Variants in KAT6B observed in about 807,000 individuals in gnomAD.
KAT6B encodes lysine acetyltransferase 6B, also known as histone acetyltransferase KAT6B.
In KAT6B, 10 loss-of-function variants were observed where a neutral mutation model predicts 187.5. That is an observed-to-expected ratio of 0.05 (90% confidence interval 0.03 to 0.09). The LOEUF is 0.09. Ranked by LOEUF, KAT6B falls within the 10% of genes least tolerant of loss-of-function variation. The pLI is 1.00. For synonymous variants in KAT6B, 861 were observed against 926.8 expected (o/e 0.93, Z 1.29); for missense variants, 1,952 against 2,558.9 (o/e 0.76, Z 5.12).
intron 3 of KAT6B, among the ~76,000 whole-genome samples, chr10:74,952,207 T>A (rs1307727295): frequency 1.3e-5 from 2 of 151,982 alleles, no homozygotes; most frequent in African/African-American, 4.8e-5. Context: ...GTTAAAAAAT[T>A]AGCTGGGCGT....
chr10:74,957,172 C>T (rs536880974), intron 3 of KAT6B, among the ~76,000 whole-genome samples: 8 of 152,192 alleles, frequency 5.3e-5, no homozygotes, highest in African/African-American at 1.2e-4. Context: ...CATTTACATG[C>T]GTTACTGTAA....
rs200498444 is a variant in KAT6B at position 75,030,704 on chromosome 10, G to C, written c.5880G>C (p.Thr1960=). Residue 1960 remains threonine (T), a synonymous_variant, in exon 18 of 18, where the codon ACG becomes ACC. Coordinates refer to ENST00000287239, the MANE Select transcript of KAT6B (RefSeq NM_012330.4). The surrounding 1 kb of genome is among the most constrained non-coding windows in gnomAD (Gnocchi z 4.8). The part of the protein sequence containing the change: ...VAMQGPARTL[T]MQRGMNMSVN... ...TGCAGGGTCCTGCACGGACTTTAAC[G>C]ATGCAAAGAGGCATGAACATGAGTG... is the stretch of plus-strand genomic sequence containing the variant. 3 of 1,614,210 alleles carry C rather than the reference G, an allele frequency of 1.9e-6. No homozygotes were observed. Among genetic ancestry groups the C allele is most frequent in the Non-Finnish European group, 2.5e-6 (3 of 1,180,050 alleles).
intron 3 of KAT6B, among the ~76,000 whole-genome samples, chr10:74,959,178 A>G (rs1239286649): frequency 1.3e-5 from 2 of 152,146 alleles, no homozygotes; most frequent in African/African-American, 4.8e-5. Context: ...GACCTTTTCA[A>G]GTGTCCCACA....
At chr10:74,911,391 T>C (rs1170890287) in intron 3 of KAT6B, among the ~76,000 whole-genome samples, 1 of 151,866 alleles carries the variant, frequency 6.6e-6, no homozygotes, top group Non-Finnish European at 1.5e-5. Context: ...CTCAGCTTCC[T>C]GAGTAGCTGG....
Position 75,028,682 on chromosome 10 carries a change from G to A in KAT6B, c.3858G>A (p.Gln1286=). The A allele has an allele frequency of 6.2e-7, 1 of 1,614,070 alleles. No individual in the cohort carries two copies. Among genetic ancestry groups the A allele is most frequent in the Non-Finnish European group, 8.5e-7 (1 of 1,180,038 alleles). ...PPETPMEPDE[Q]VTVEEQKETS... ...AAACACCCATGGAGCCTGACGAGCA[G>A]GTAACAGTGGAAGAACAGAAGGAGA... The change falls in exon 18 of 18, where the codon CAG becomes CAA. Residue 1286 remains glutamine (Q), a synonymous_variant. Coordinates refer to ENST00000287239, the MANE Select transcript of KAT6B (RefSeq NM_012330.4).
At chr10:74,956,070 T>A (rs1840672421) in intron 3 of KAT6B, among the ~76,000 whole-genome samples, 1 of 152,158 alleles carries the variant, frequency 6.6e-6, no homozygotes. Context: ...ACCACAGGCA[T>A]GCGCCACCAT....
intron 3 of KAT6B, among the ~76,000 whole-genome samples, chr10:74,955,630 T>C (rs1253151968): frequency 6.6e-6 from 1 of 152,012 alleles, no homozygotes; most frequent in Non-Finnish European, 1.5e-5. Context: ...CATAACACTT[T>C]ACTCCTAAAT....
intron 13 of KAT6B, among the ~76,000 whole-genome samples, chr10:75,008,916 G>A (rs1844402343): frequency 1.3e-5 from 2 of 152,168 alleles, no homozygotes; most frequent in South Asian, 2.1e-4. Context: ...TTAAATAGCT[G>A]TGGAAGGGTT....
intron 3 of KAT6B, among the ~76,000 whole-genome samples, chr10:74,870,665 G>A (rs1483557349): frequency 8.6e-5 from 13 of 151,718 alleles, no homozygotes; most frequent in South Asian, 2.1e-4. Flanking sequence ...TGCAGCCTCC[G>A]CCTCCTGGGT....
intron 3 of KAT6B, among the ~76,000 whole-genome samples, chr10:74,958,950 A>G (rs950711998): frequency 7.9e-5 from 12 of 152,036 alleles, no homozygotes; most frequent in African/African-American, 2.9e-4. Flanking sequence ...AGGCAAGAGA[A>G]TCACTTGAAC....
intron 13 of KAT6B, among the ~76,000 whole-genome samples, chr10:75,010,435 A>G (rs1844514534): frequency 6.6e-6 from 1 of 152,168 alleles, no homozygotes; most frequent in Admixed American, 6.5e-5. Context: ...TTCTAAGGAG[A>G]TTTGTATTCT....
chr10:75,002,766 T>TCA (rs1420658117), intron 13 of KAT6B, among the ~76,000 whole-genome samples: 2 of 152,256 alleles, frequency 1.3e-5, no homozygotes, highest in Non-Finnish European at 2.9e-5. Context: ...ATTGAATATG[T>TCA]GGTCCATCGT....
chr10:74,951,440 T>C (rs1250265528), intron 3 of KAT6B, among the ~76,000 whole-genome samples: 1 of 152,096 alleles, frequency 6.6e-6, no homozygotes, highest in Non-Finnish European at 1.5e-5. Flanking sequence ...CGACCCTTTT[T>C]TTTTTTCTTT....
chr10:74,853,479 A>C (rs1326130322), intron 3 of KAT6B, among the ~76,000 whole-genome samples: 1 of 151,770 alleles, frequency 6.6e-6, no homozygotes, highest in East Asian at 1.9e-4. Flanking sequence ...TTTTTTGTAG[A>C]GATAGGGTTT....
At chr10:74,872,744 G>A (rs2132424825) in intron 3 of KAT6B, among the ~76,000 whole-genome samples, 1 of 151,734 alleles carries the variant, frequency 6.6e-6, no homozygotes, top group Admixed American at 6.6e-5. Flanking sequence ...TGAACTCCTG[G>A]GTTCAAGTGA....
intron 1 of KAT6B, among the ~76,000 whole-genome samples, chr10:74,835,049 T>A (rs562906265): frequency 1.3e-5 from 2 of 152,346 alleles, no homozygotes; most frequent in African/African-American, 4.8e-5. Flanking sequence ...GCATGAATCC[T>A]GTTTTTAAGA....
At chr10:74,877,100 G>T (rs1291177553) in intron 3 of KAT6B, among the ~76,000 whole-genome samples, 1 of 151,746 alleles carries the variant, frequency 6.6e-6, no homozygotes, top group Non-Finnish European at 1.5e-5. Context: ...CCAGTAGCTG[G>T]GATTACAGGC....
intron 3 of KAT6B, among the ~76,000 whole-genome samples, chr10:74,908,942 C>G (rs1846995696): frequency 6.6e-6 from 1 of 152,192 alleles, no homozygotes; most frequent in Admixed American, 6.5e-5. Context: ...AGCTTCTCTC[C>G]TTTTTGGTCT....
chr10:74,858,847 C>A (rs1842982860), intron 3 of KAT6B, among the ~76,000 whole-genome samples: 1 of 151,762 alleles, frequency 6.6e-6, no homozygotes, highest in South Asian at 2.1e-4. Context: ...CCCAGCTACT[C>A]AGGAGGCTGA....
Sources: gnomAD v4.1 joint callset for allele counts (sites outside exome capture counted in the v4.1 genomes callset) on GRCh38, gnomAD v4.1.1 for gene constraint, Gnocchi (gnomAD v3.1) non-coding constraint, MANE v1.5 for transcripts, NCBI Gene and HGNC (gene_info 2026-07-23, HGNC 2026-07-21) for gene names.